KCTD16: variants seen among roughly 807,000 people sequenced by gnomAD.
The protein encoded by KCTD16 is potassium channel tetramerization domain containing 16, also known as BTB/POZ domain-containing protein KCTD16.
A neutral mutation model predicts 33.2 loss-of-function variants in KCTD16; 13 were observed. The observed-to-expected ratio is 0.39, with a 90% CI of 0.25 to 0.62. KCTD16 has a LOEUF of 0.62. KCTD16 is among the 20% of genes least tolerant of loss of function. The pLI is 0.50. For synonymous variants in KCTD16, 197 were observed against 195.3 expected (o/e 1.01, Z -0.07); for missense variants, 441 against 525.1 (o/e 0.84, Z 1.57).
chr5:144,378,973 T>G (rs1297881178), intron 3 of KCTD16, among the ~76,000 whole-genome samples: 1 of 152,206 alleles, frequency 6.6e-6, no homozygotes, highest in Non-Finnish European at 1.5e-5. Context: ...GTGGCCTTTC[T>G]CTTAGATGCC....
At chr5:144,418,254 C>T (rs1753125680) in intron 3 of KCTD16, among the ~76,000 whole-genome samples, 2 of 152,142 alleles carry the variant, frequency 1.3e-5, no homozygotes, top group South Asian at 2.1e-4. Flanking sequence ...ACAAGGCTTC[C>T]ACAGCGTGGA....
rs556005486 is a variant in KCTD16, at chr5:144,476,126, A to G, written c.*2012A>G. 43 of 152,342 alleles carry G rather than the reference A, an allele frequency of 2.8e-4. No individual in the cohort carries two copies. The highest frequency in any genetic ancestry group is 1.0e-3 in the African/African-American group (43 of 41,586). 9.4% of individuals were successfully genotyped at this position (152,342 alleles called of 1,614,324 possible). On this transcript the variant is annotated 3_prime_UTR_variant, in exon 4 of 4. Transcript: ENST00000512467. ...ATGTTTCTTGATAGCACATGGCAATACCATCATCCTAATAACAGAAGATCT... is the reference window on the plus strand; with the variant it reads ...ATGTTTCTTGATAGCACATGGCAATGCCATCATCCTAATAACAGAAGATCT...
intron 3 of KCTD16, among the ~76,000 whole-genome samples, chr5:144,274,347 T>C (rs1051867094): frequency 2.0e-5 from 3 of 152,114 alleles, no homozygotes; most frequent in Non-Finnish European, 2.9e-5. Flanking sequence ...AGGGTTACTA[T>C]AGAGTAGAGC....
chr5:144,432,342 C>A (rs1380086320), intron 3 of KCTD16, among the ~76,000 whole-genome samples: 7 of 152,014 alleles, frequency 4.6e-5, no homozygotes, highest in Admixed American at 6.6e-5. Context: ...CTCACTACAA[C>A]CCTTTAAGAA....
At chr5:144,368,766 T>C (rs1751896401) in intron 3 of KCTD16, among the ~76,000 whole-genome samples, 1 of 152,190 alleles carries the variant, frequency 6.6e-6, no homozygotes, top group Admixed American at 6.5e-5. Context: ...ACTAATACAC[T>C]GTCCTAGGCA....
At chr5:144,431,745 T>C (rs1268566518) in intron 3 of KCTD16, among the ~76,000 whole-genome samples, 1 of 152,198 alleles carries the variant, frequency 6.6e-6, no homozygotes, top group Non-Finnish European at 1.5e-5. Context: ...GCTCGTATTT[T>C]ACTTGTTTTT....
At chr5:144,406,504 A>G (rs1752811434) in intron 3 of KCTD16, among the ~76,000 whole-genome samples, 1 of 152,240 alleles carries the variant, frequency 6.6e-6, no homozygotes, top group South Asian at 2.1e-4. Context: ...AGAAATGTCC[A>G]TATATAAGTG....
chr5:144,345,103 G>A (rs1752756718), intron 3 of KCTD16, among the ~76,000 whole-genome samples: 1 of 150,972 alleles, frequency 6.6e-6, no homozygotes, highest in Non-Finnish European at 1.5e-5. Flanking sequence ...ACTATTGCAA[G>A]GACAAAAAAC....
intron 3 of KCTD16, among the ~76,000 whole-genome samples, chr5:144,253,739 G>A (rs943903689): frequency 6.6e-6 from 1 of 152,122 alleles, no homozygotes; most frequent in African/African-American, 2.4e-5. Context: ...CTCCTGAAGT[G>A]TGTCTTTTAT....
chr5:144,480,661 A>G lies in KCTD16; in HGVS notation c.*6547A>G, dbSNP rs1754687861. On this transcript the variant is annotated 3_prime_UTR_variant, in exon 4 of 4. Transcript: ENST00000512467. ...TTTGCATACCAGAGATCTTTTGGCA[A>G]TGCCTGGAGATATTTTTTGTTTCAT... is the stretch of plus-strand genomic sequence containing the variant. 1 of 151,884 alleles carries G rather than the reference A, an allele frequency of 6.6e-6. No homozygotes were observed. Among genetic ancestry groups the G allele is most frequent in the Non-Finnish European group, 1.5e-5 (1 of 67,946 alleles). 9.4% of individuals were successfully genotyped at this position (151,884 alleles called of 1,614,324 possible). A position where few individuals can be genotyped will look rare whatever the true frequency, so the allele number is the denominator to read the frequency against.
At chr5:144,456,319 A>G (rs554457867) in intron 3 of KCTD16, among the ~76,000 whole-genome samples, 4 of 152,202 alleles carry the variant, frequency 2.6e-5, no homozygotes, top group Non-Finnish European at 5.9e-5. Context: ...AGAAAATATT[A>G]ATACATAAAG....
At chr5:144,273,137 A>G (rs979239804) in intron 3 of KCTD16, among the ~76,000 whole-genome samples, 1 of 152,156 alleles carries the variant, frequency 6.6e-6, no homozygotes, top group Non-Finnish European at 1.5e-5. Context: ...CAAAATAAAC[A>G]ACCCAATTTA....
chr5:144,244,106 A>C (rs1580815665), intron 3 of KCTD16, among the ~76,000 whole-genome samples: 2 of 152,232 alleles, frequency 1.3e-5, no homozygotes, highest in African/African-American at 4.8e-5. Context: ...CAAAGCATGG[A>C]GAGTTTCTAA....
chr5:144,411,901 G>T (rs1752940865), intron 3 of KCTD16, among the ~76,000 whole-genome samples: 1 of 151,980 alleles, frequency 6.6e-6, no homozygotes, highest in African/African-American at 2.4e-5. Context: ...TATACAAATG[G>T]CCAGCACAGG....
At chr5:144,316,915 C>A (rs948336045) in intron 3 of KCTD16, among the ~76,000 whole-genome samples, 1 of 148,440 alleles carries the variant, frequency 6.7e-6, no homozygotes, top group Admixed American at 6.8e-5. Context: ...GCAACCTGCA[C>A]CTCATGAGTT....
At chr5:144,237,803 A>T (rs1754294525) in intron 3 of KCTD16, among the ~76,000 whole-genome samples, 1 of 152,156 alleles carries the variant, frequency 6.6e-6, no homozygotes, top group African/African-American at 2.4e-5. Flanking sequence ...AACTTAGCAC[A>T]AGGGATCTGT....
rs1465442500 is a variant in KCTD16, at chr5:144,479,226, A to C, written c.*5112A>C. 6.6e-6 allele frequency: 1 copy of C among 151,872 alleles called. No individual in the cohort carries two copies. Among genetic ancestry groups the C allele is most frequent in the Non-Finnish European group, 1.5e-5 (1 of 67,898 alleles). 9.4% of individuals were successfully genotyped at this position (151,872 alleles called of 1,614,324 possible). ...TTAGTGAATTCAGCTATATTTAACC[A>C]ATCAAATCCTGCGCCATTGAACTGC... On this transcript the variant is annotated 3_prime_UTR_variant, in exon 4 of 4. Coordinates refer to ENST00000512467, the MANE Select transcript of KCTD16 (RefSeq NM_020768.4).
intron 3 of KCTD16, among the ~76,000 whole-genome samples, chr5:144,465,483 T>C (rs1056525266): frequency 4.6e-5 from 7 of 152,114 alleles, no homozygotes; most frequent in African/African-American, 1.7e-4. Flanking sequence ...CTGTGTTTCC[T>C]CATTGTAAAA....
chr5:144,432,060 C>A (rs1176965034), intron 3 of KCTD16, among the ~76,000 whole-genome samples: 2 of 152,052 alleles, frequency 1.3e-5, no homozygotes, highest in Non-Finnish European at 2.9e-5. Context: ...TGATGTGGTA[C>A]TTTCTTCTTT....
Sources: gnomAD v4.1 joint callset for allele counts (sites outside exome capture counted in the v4.1 genomes callset) on GRCh38, gnomAD v4.1.1 for gene constraint, MANE v1.5 for transcripts, NCBI Gene and HGNC (gene_info 2026-07-23, HGNC 2026-07-21) for gene names.